The following XKR9 variants were observed in gnomAD, a reference collection of about 807,000 sequenced individuals.
XKR9 encodes the protein XK related 9, also known as XK-related protein 9.
Under a neutral mutation model 32.0 loss-of-function variants are expected in XKR9, and 32 were observed. The ratio of observed to expected loss-of-function variants is 1.00; its 90% CI spans 0.76 to 1.34. XKR9 has a LOEUF of 1.34. Ranked by LOEUF, XKR9 falls within the 40% of genes most tolerant of loss-of-function variation. The pLI, the probability that XKR9 is intolerant of heterozygous loss-of-function variation, is 0.00. For synonymous variants in XKR9, 168 were observed against 143.4 expected, an observed-to-expected ratio of 1.17 and a Z score of -1.22; for missense variants, 546 against 429.7, an observed-to-expected ratio of 1.27 and a Z score of -2.39.
At chr8:70,992,566 G>A in the XKR9 span, among the ~76,000 whole-genome samples, 7 of 152,252 alleles carry the variant, frequency 4.6e-5, no homozygotes, top group Admixed American at 3.3e-4. Flanking sequence ...TTGTGAGACC[G>A]GTGCAAGGAT....
At chr8:70,761,002 T>G (rs532107529) in intron 2 of XKR9, among the ~76,000 whole-genome samples, 7 of 152,358 alleles carry the variant, frequency 4.6e-5, no homozygotes, top group African/African-American at 1.4e-4. Context: ...CTAAAGATAA[T>G]GGCCTCCAGC....
chr8:70,813,760 T>G, the XKR9 span, among the ~76,000 whole-genome samples: 1 of 152,176 alleles, frequency 6.6e-6, no homozygotes, highest in Non-Finnish European at 1.5e-5. Context: ...CTCACACCAG[T>G]TAGAATGGCA....
chr8:71,064,596 GT>G, the XKR9 span, among the ~76,000 whole-genome samples: 3 of 151,896 alleles, frequency 2.0e-5, no homozygotes, highest in Admixed American at 6.6e-5. Context: ...TTAACATAGT[GT>G]TTTCTTGTTC....
At chr8:70,740,882 G>C (rs1216604524), downstream of XKR9, among the ~76,000 whole-genome samples, 1 of 152,216 alleles carries the variant, frequency 6.6e-6, no homozygotes, top group African/African-American at 2.4e-5. Context: ...CCCTCCTGGG[G>C]GTTGCCTCCC....
chr8:71,054,501 C>T, the XKR9 span, among the ~76,000 whole-genome samples: 1 of 152,242 alleles, frequency 6.6e-6, no homozygotes, highest in African/African-American at 2.4e-5. Context: ...AGGGTAGGAG[C>T]CTGCTCTGTC....
chr8:71,045,739 G>A, the XKR9 span, among the ~76,000 whole-genome samples: 2 of 152,204 alleles, frequency 1.3e-5, no homozygotes, highest in Non-Finnish European at 1.5e-5. Context: ...TCTGGTGGAG[G>A]GGTGACATGA....
At chr8:71,032,588 A>G in the XKR9 span, among the ~76,000 whole-genome samples, 1 of 152,174 alleles carries the variant, frequency 6.6e-6, no homozygotes, top group African/African-American at 2.4e-5. Context: ...AGGGCTTGTT[A>G]AAAATACAAT....
chr8:70,780,409 A>G (rs966682304), intron 2 of XKR9, among the ~76,000 whole-genome samples: 1 of 152,140 alleles, frequency 6.6e-6, no homozygotes, highest in African/African-American at 2.4e-5. Context: ...GTGGTCCCAC[A>G]AATTTTGGCA....
At chr8:71,025,739 A>G in the XKR9 span, among the ~76,000 whole-genome samples, 1 of 152,164 alleles carries the variant, frequency 6.6e-6, no homozygotes, top group Non-Finnish European at 1.5e-5. Flanking sequence ...CATCCCTCAA[A>G]CCACTGCAGT....
the XKR9 span, among the ~76,000 whole-genome samples, chr8:70,900,078 G>A: frequency 1.3e-5 from 2 of 151,924 alleles, no homozygotes; most frequent in Admixed American, 1.3e-4. Context: ...CTCCAGCCTG[G>A]GTGATGGGAG....
chr8:71,032,492 G>T, the XKR9 span, among the ~76,000 whole-genome samples: 2 of 152,004 alleles, frequency 1.3e-5, no homozygotes, highest in African/African-American at 4.8e-5. Flanking sequence ...GCAGCAAACA[G>T]AAGGAAAAGG....
At chr8:71,042,870 G>A in the XKR9 span, among the ~76,000 whole-genome samples, 3 of 152,100 alleles carry the variant, frequency 2.0e-5, no homozygotes, top group Admixed American at 1.3e-4. Flanking sequence ...TTATGCCGTT[G>A]CTTCCCTCCT....
the XKR9 span, among the ~76,000 whole-genome samples, chr8:70,871,004 T>G: frequency 6.6e-6 from 1 of 152,228 alleles, no homozygotes; most frequent in Non-Finnish European, 1.5e-5. Context: ...GTAAATGTGT[T>G]GTTATATTCT....
intron 3 of XKR9, among the ~76,000 whole-genome samples, chr8:70,703,678 T>C (rs1805618533): frequency 6.6e-6 from 1 of 152,206 alleles, no homozygotes; most frequent in African/African-American, 2.4e-5. Flanking sequence ...GTTGCTCTTT[T>C]CTGCCTTGTT....
the XKR9 span, among the ~76,000 whole-genome samples, chr8:70,872,419 A>G: frequency 6.6e-6 from 1 of 152,242 alleles, no homozygotes. Flanking sequence ...CATTTCCATT[A>G]CATCAAAGTG....
downstream of XKR9, among the ~76,000 whole-genome samples, chr8:70,792,860 G>A (rs1287931884): frequency 6.6e-6 from 1 of 152,114 alleles, no homozygotes; most frequent in Non-Finnish European, 1.5e-5. Context: ...TGAGAAGAAA[G>A]CTATCTATGT....
At chr8:70,768,565 T>G (rs1216759870) in intron 2 of XKR9, among the ~76,000 whole-genome samples, 1 of 152,128 alleles carries the variant, frequency 6.6e-6, no homozygotes, top group African/African-American at 2.4e-5. Context: ...AGTCTATTAT[T>G]GTCTAGTATG....
chr8:70,759,495 C>A (rs569428321), intron 2 of XKR9, among the ~76,000 whole-genome samples: 2 of 152,304 alleles, frequency 1.3e-5, no homozygotes, highest in Admixed American at 1.3e-4. Context: ...GATCATGCAT[C>A]ATGTTTGACC....
intron 2 of XKR9, among the ~76,000 whole-genome samples, chr8:70,761,664 AT>A (rs527908490): frequency 1.0e-4 from 15 of 148,772 alleles, no homozygotes; most frequent in South Asian, 2.1e-4. Context: ...AACTCTGTTG[AT>A]TTTTTTTTTC....
Sources: allele counts gnomAD v4.1 joint callset (sites outside exome capture counted in the v4.1 genomes callset), GRCh38; gene constraint gnomAD v4.1.1; transcripts MANE v1.5; gene names NCBI Gene and HGNC (gene_info 2026-07-23, HGNC 2026-07-21).